The following RYR2 variants were observed in gnomAD, a reference collection of about 807,000 sequenced individuals.
RYR2 encodes the protein ryanodine receptor 2.
RYR2 carries 227 observed loss-of-function variants against 601.1 expected under a neutral mutation model. That is an observed-to-expected ratio of 0.38 (90% CI 0.34 to 0.42). The LOEUF (loss-of-function observed/expected upper bound fraction) is 0.42. RYR2 is among the 10% of genes least tolerant of loss of function. RYR2 has a pLI of 1.00. For synonymous variants in RYR2, 2,223 were observed against 2,175.1 expected (o/e 1.02, Z -0.61); for missense variants, 4,646 against 6,156.5 (o/e 0.75, Z 8.21).
chr1:237,521,618 G>A (rs998804433), intron 24 of RYR2, among the ~76,000 whole-genome samples: 1 of 152,034 alleles, frequency 6.6e-6, no homozygotes, highest in African/African-American at 2.4e-5. Flanking sequence ...TGCTCGGGAG[G>A]CTGAGGCAGG....
At position 237,614,312 on chromosome 1, in the gene RYR2, C is replaced by T; in HGVS notation, c.5184C>T (p.Pro1728=). Residue 1728 remains proline (P), a synonymous_variant, in exon 37 of 105, where the codon CCC becomes CCT. Transcript: ENST00000366574. The surrounding 1 kb of genome is among the most constrained non-coding windows in gnomAD (Gnocchi z 4.3). The stretch of plus-strand genomic sequence containing the variant: ...TGATGAACAACGAGTACATTGTCCC[C>T]ATGACGGAGGAGACGAAGAGCATCA... The part of the protein sequence containing the change: ...RLMMNNEYIV[P]MTEETKSITL... The T allele has an allele frequency of 6.2e-7, 1 of 1,614,030 alleles. No homozygotes were observed. Among genetic ancestry groups the T allele is most frequent in the Non-Finnish European group, 8.5e-7 (1 of 1,179,904 alleles).
intron 12 of RYR2, among the ~76,000 whole-genome samples, chr1:237,424,641 T>C (rs1705951892): frequency 6.6e-6 from 1 of 152,220 alleles, no homozygotes; most frequent in Admixed American, 6.5e-5. Flanking sequence ...TTTGCCCCTC[T>C]CTAGAGATCT....
intron 85 of RYR2, among the ~76,000 whole-genome samples, chr1:237,771,794 A>G (rs1694292479): frequency 2.0e-5 from 3 of 152,162 alleles, no homozygotes; most frequent in Admixed American, 2.0e-4. Context: ...CTGAGACAAA[A>G]ATTGAATATT....
At chr1:237,441,528 T>A (rs1436293994) in intron 13 of RYR2, 45 bp downstream of exon 13, 1 of 1,431,632 alleles carries the variant, frequency 7.0e-7, no homozygotes, top group East Asian at 2.4e-5. Flanking sequence ...TAATTTTTTA[T>A]GAATACACAA....
chr1:237,255,447 T>C (rs1342819126), intron 1 of RYR2, among the ~76,000 whole-genome samples: 1 of 152,214 alleles, frequency 6.6e-6, no homozygotes, highest in Non-Finnish European at 1.5e-5. Context: ...TCTTTTTATC[T>C]TTTTCTAAAA....
intron 84 of RYR2, among the ~76,000 whole-genome samples, chr1:237,769,420 T>A (rs1033153704): frequency 1.3e-5 from 2 of 152,180 alleles, no homozygotes; most frequent in African/African-American, 2.4e-5. Context: ...CTATAACACT[T>A]AAACTTGCCA....
intron 39 of RYR2, among the ~76,000 whole-genome samples, chr1:237,624,743 G>A (rs146525687): frequency 1.7e-3 from 265 of 152,218 alleles, no homozygotes; most frequent in Middle Eastern, 6.8e-3. Flanking sequence ...TATTCTGGAC[G>A]TGTGTGTGTT....
intron 42 of RYR2, among the ~76,000 whole-genome samples, chr1:237,633,363 T>C (rs1023602777): frequency 6.6e-6 from 1 of 152,154 alleles, no homozygotes; most frequent in Non-Finnish European, 1.5e-5. Context: ...AACCCATCCA[T>C]GGTAATGAAG....
At chr1:237,540,935 G>GCA (rs1018006183) in intron 25 of RYR2, among the ~76,000 whole-genome samples, 213 of 149,380 alleles carry the variant, frequency 1.4e-3, no homozygotes, top group Admixed American at 3.2e-3. Flanking sequence ...ATATATGTAT[G>GCA]CACACACACA....
chr1:237,475,664 TAC>T (rs1661320852), intron 17 of RYR2, among the ~76,000 whole-genome samples: 3 of 152,178 alleles, frequency 2.0e-5, no homozygotes, highest in Admixed American at 6.5e-5. Flanking sequence ...ATTTGTGGGA[TAC>T]GGTGTGATGT....
rs907886980 is a variant in RYR2, at chr1:237,400,394, T to G, written c.773+12211T>G. On this transcript the variant is annotated intron_variant, in intron 10 of 104. Coordinates refer to ENST00000366574, the MANE Select transcript of RYR2 (RefSeq NM_001035.3). ...CAGAAGGGAATGACTGTGGAGATTT[T>G]TACTTTAGCACAATGTCCTGTGTCT... 1.4e-4 allele frequency among the ~76,000 whole-genome samples: 21 copies of G among 152,140 alleles called. No homozygotes were observed. The East Asian group carries it at 2.1e-3, about 15-fold the overall frequency.
intron 8 of RYR2, among the ~76,000 whole-genome samples, chr1:237,383,564 GGACTGT>G (rs934929216): frequency 1.3e-5 from 2 of 150,824 alleles, no homozygotes; most frequent in Admixed American, 1.3e-4. Context: ...TGAGTAGCTG[GGACTGT>G]AGGTGCCTGC....
chr1:237,716,620 G>A (rs907720615), intron 71 of RYR2, among the ~76,000 whole-genome samples: 2 of 152,062 alleles, frequency 1.3e-5, no homozygotes, highest in Non-Finnish European at 2.9e-5. Flanking sequence ...TATCCAGATC[G>A]TCCTGAATAT....
At chr1:237,355,122 A>G (rs545732606) in intron 3 of RYR2, among the ~76,000 whole-genome samples, 15 of 152,266 alleles carry the variant, frequency 9.9e-5, no homozygotes, top group Admixed American at 9.2e-4. Context: ...AGGAAAAAAA[A>G]TTACAAATAA....
At chr1:237,726,458 C>A (rs1171683277) in intron 75 of RYR2, 150 bp downstream of exon 75, 2 of 630,786 alleles carry the variant, frequency 3.2e-6, no homozygotes, top group Non-Finnish European at 5.6e-6. Flanking sequence ...TCATTTATTG[C>A]AACTTTTGAA....
At chr1:237,380,376 A>G (rs1411499305) in intron 8 of RYR2, among the ~76,000 whole-genome samples, 1 of 10,504 alleles carries the variant, frequency 9.5e-5, no homozygotes, top group Non-Finnish European at 2.0e-4. Flanking sequence ...ATATATATAT[A>G]TATATATATA....
At chr1:237,657,090 A>G (rs1683317029) in intron 53 of RYR2, among the ~76,000 whole-genome samples, 1 of 152,210 alleles carries the variant, frequency 6.6e-6, no homozygotes, top group African/African-American at 2.4e-5. Flanking sequence ...GGGCATGGAT[A>G]TTAATTTACC....
chr1:237,317,506 G>T (rs1695225269), intron 2 of RYR2, among the ~76,000 whole-genome samples: 1 of 152,036 alleles, frequency 6.6e-6, no homozygotes, highest in African/African-American at 2.4e-5. Context: ...TAGTATATAG[G>T]ATAGCTGATT....
chr1:237,541,134 A>G (rs1669216262), intron 25 of RYR2, among the ~76,000 whole-genome samples: 1 of 152,218 alleles, frequency 6.6e-6, no homozygotes. Context: ...TATGAAGAAA[A>G]GAAAAACCCT....
Sources: gnomAD v4.1 joint callset for allele counts (sites outside exome capture counted in the v4.1 genomes callset) on GRCh38, gnomAD v4.1.1 for gene constraint, Gnocchi (gnomAD v3.1) non-coding constraint, MANE v1.5 for transcripts, NCBI Gene and HGNC (gene_info 2026-07-23, HGNC 2026-07-21) for gene names.